The following RALGAPA2 variants were observed in gnomAD, a reference collection of about 807,000 sequenced individuals.
The protein encoded by RALGAPA2 is ral GTPase-activating protein subunit alpha-2.
RALGAPA2 carries 139 observed loss-of-function variants against 230.4 expected under a neutral mutation model. That is an observed-to-expected ratio of 0.60 (90% CI 0.53 to 0.69). RALGAPA2 has a LOEUF of 0.69. RALGAPA2 is among the 30% of genes least tolerant of loss of function. The pLI, the probability that RALGAPA2 is intolerant of heterozygous loss-of-function variation, is 0.00. For synonymous variants in RALGAPA2, 847 were observed against 837.8 expected (o/e 1.01, Z -0.19); for missense variants, 2,163 against 2,276.0 (o/e 0.95, Z 1.01).
chr20:20,415,550 TCA>T, intron 37 of RALGAPA2, among the ~76,000 whole-genome samples: 1 of 152,340 alleles, frequency 6.6e-6, no homozygotes, highest in East Asian at 1.9e-4. Context: ...TGGACATTTC[TCA>T]GTTTCTTTAG....
chr20:20,578,174 T>C (rs2064879707), intron 20 of RALGAPA2, among the ~76,000 whole-genome samples: 1 of 152,138 alleles, frequency 6.6e-6, no homozygotes, highest in South Asian at 2.1e-4. Context: ...AGTATTACTA[T>C]GAACAAAAAT....
intron 1 of RALGAPA2, among the ~76,000 whole-genome samples, chr20:20,686,571 C>T (rs1369708843): frequency 6.6e-6 from 1 of 151,468 alleles, no homozygotes; most frequent in Non-Finnish European, 1.5e-5. Flanking sequence ...ATGGTTCTTA[C>T]ATCACACGGC....
At chr20:20,518,403 GT>G (rs1253109527) in intron 31 of RALGAPA2, among the ~76,000 whole-genome samples, 2 of 151,984 alleles carry the variant, frequency 1.3e-5, no homozygotes, top group Non-Finnish European at 2.9e-5. Context: ...ATTACACTGA[GT>G]GAAAAAAAAT....
chr20:20,694,164 G>A (rs1909743575), intron 1 of RALGAPA2, among the ~76,000 whole-genome samples: 1 of 151,904 alleles, frequency 6.6e-6, no homozygotes, highest in Non-Finnish European at 1.5e-5. Context: ...AAGTGAGGGA[G>A]GAGGTTAAGG....
intron 1 of RALGAPA2, among the ~76,000 whole-genome samples, chr20:20,692,019 C>T (rs1001735105): frequency 6.6e-6 from 1 of 152,124 alleles, no homozygotes; most frequent in African/African-American, 2.4e-5. Context: ...TATCATGTGA[C>T]GCCCACTCCC....
intron 30 of RALGAPA2, among the ~76,000 whole-genome samples, chr20:20,521,731 A>C (rs1324999770): frequency 1.3e-5 from 2 of 152,238 alleles, no homozygotes; most frequent in African/African-American, 4.8e-5. Flanking sequence ...ATGAGGTAAT[A>C]ATTGTAACAG....
chr20:20,416,856 A>C (rs1052916201), intron 37 of RALGAPA2, among the ~76,000 whole-genome samples: 1 of 152,200 alleles, frequency 6.6e-6, no homozygotes, highest in Non-Finnish European at 1.5e-5. Flanking sequence ...AACCTTCTCT[A>C]AATTTCCCAA....
chr20:20,558,862 C>T (rs1182258163), intron 23 of RALGAPA2, among the ~76,000 whole-genome samples: 1 of 150,972 alleles, frequency 6.6e-6, no homozygotes, highest in Non-Finnish European at 1.5e-5. Flanking sequence ...GACTAGCGTG[C>T]CCCATGCATT....
chr20:20,511,344 G>T lies in RALGAPA2; in HGVS notation c.4857-19C>A. On this transcript the variant is annotated intron_variant, in intron 32 of 39. Coordinates refer to ENST00000202677, the MANE Select transcript of RALGAPA2 (RefSeq NM_020343.4). The stretch of plus-strand genomic sequence containing the variant: ...ATTCTTCCTATAAAGAAAAAAGGAT[G>T]GAAGAAAAACCATGTGATTACAGAA... 1 of 1,537,358 alleles carries T rather than the reference G, an allele frequency of 6.5e-7. No individual in the cohort carries two copies. The highest frequency in any genetic ancestry group is 1.2e-5 in the South Asian group (1 of 80,088).
intron 33 of RALGAPA2, among the ~76,000 whole-genome samples, chr20:20,508,931 G>T (rs193260397): frequency 6.6e-6 from 1 of 152,206 alleles, no homozygotes; most frequent in African/African-American, 2.4e-5. Context: ...GCCATATTTC[G>T]TTGCAACAGT....
intron 1 of RALGAPA2, among the ~76,000 whole-genome samples, chr20:20,705,269 T>C (rs902335254): frequency 2.6e-5 from 4 of 152,080 alleles, no homozygotes; most frequent in Admixed American, 1.3e-4. Context: ...TGCAGTGGCA[T>C]GATCAAGGTT....
chr20:20,668,890 A>C (rs1253542009), intron 3 of RALGAPA2, among the ~76,000 whole-genome samples: 1 of 152,190 alleles, frequency 6.6e-6, no homozygotes, highest in Non-Finnish European at 1.5e-5. Flanking sequence ...AAATATGAAG[A>C]AGAGCTACAC....
At chr20:20,683,586 G>T (rs1332502776) in intron 1 of RALGAPA2, among the ~76,000 whole-genome samples, 11 of 152,188 alleles carry the variant, frequency 7.2e-5, no homozygotes. Context: ...AGATCTTCAT[G>T]CAGCTGGTTC....
At chr20:20,656,348 A>G (rs910353283) in intron 3 of RALGAPA2, among the ~76,000 whole-genome samples, 6 of 152,254 alleles carry the variant, frequency 3.9e-5, no homozygotes, top group African/African-American at 1.4e-4. Context: ...AAAGTTAAAC[A>G]TATTAGAAAA....
rs2060648756 is a variant in RALGAPA2 at position 20,437,861 on chromosome 20, T to C, written c.5496-25713A>G. Among the ~76,000 whole-genome samples, 1 of 152,184 alleles carries C rather than the reference T, an allele frequency of 6.6e-6. No homozygotes were observed. Among genetic ancestry groups the C allele is most frequent in the South Asian group, 2.1e-4 (1 of 4,836 alleles). On this transcript the variant is annotated intron_variant, in intron 37 of 39. Coordinates refer to ENST00000202677, the MANE Select transcript of RALGAPA2 (RefSeq NM_020343.4). The surrounding 1 kb of genome is among the most constrained non-coding windows in gnomAD (Gnocchi z 4.1). ...AGTTCCATGCGGGCAGGAACTGTGG[T>C]ATATCTAGCACCCAGAGAACAGGCC...
intron 16 of RALGAPA2, among the ~76,000 whole-genome samples, chr20:20,597,837 T>C (rs1239574078): frequency 6.6e-6 from 1 of 151,876 alleles, no homozygotes. Context: ...AGATTCTGTC[T>C]CAAAAAAATC....
intron 27 of RALGAPA2, among the ~76,000 whole-genome samples, chr20:20,526,634 T>C (rs936886122): frequency 1.2e-4 from 18 of 152,352 alleles, no homozygotes; most frequent in Non-Finnish European, 1.5e-5. Context: ...ATTAAAACCA[T>C]AATTCAAATT....
intron 37 of RALGAPA2, among the ~76,000 whole-genome samples, chr20:20,439,033 T>G (rs2123041182): frequency 6.6e-6 from 1 of 152,288 alleles, no homozygotes; most frequent in South Asian, 2.1e-4. Flanking sequence ...CTGTACTAAT[T>G]ACTTTTCGTG....
intron 8 of RALGAPA2, among the ~76,000 whole-genome samples, chr20:20,636,761 T>G (rs1216266505): frequency 1.3e-5 from 2 of 152,120 alleles, no homozygotes; most frequent in African/African-American, 2.4e-5. Flanking sequence ...CCTTTACCAC[T>G]CTAAGGGATG....
Sources: allele counts gnomAD v4.1 joint callset (sites outside exome capture counted in the v4.1 genomes callset), GRCh38; gene constraint gnomAD v4.1.1; non-coding constraint Gnocchi (gnomAD v3.1); transcripts MANE v1.5; gene names NCBI Gene and HGNC (gene_info 2026-07-23, HGNC 2026-07-21).